The following IFNGR2 variants were observed in gnomAD, a reference collection of about 807,000 sequenced individuals.
IFNGR2 encodes interferon gamma receptor 2, also known as IFN-gamma receptor 2.
A neutral mutation model predicts 41.1 loss-of-function variants in IFNGR2; 15 were observed. The ratio of observed to expected loss-of-function variants is 0.37; its 90% CI spans 0.24 to 0.56. The LOEUF (loss-of-function observed/expected upper bound fraction) is 0.56. Ranked by LOEUF, IFNGR2 falls within the 20% of genes least tolerant of loss-of-function variation. The pLI is 0.81. For synonymous variants in IFNGR2, 161 were observed against 171.6 expected, an observed-to-expected ratio of 0.94 and a Z score of 0.48; for missense variants, 362 against 415.7, an observed-to-expected ratio of 0.87 and a Z score of 1.12.
chr21:33,410,931 T>G, intron 1 of IFNGR2: 1 of 1,314,034 alleles, frequency 7.6e-7, no homozygotes. Context: ...GTATGAAACC[T>G]GCATCTCACA....
At chr21:33,414,774 T>C in intron 1 of IFNGR2, 114 bp from the exon 2 acceptor site, 1 of 1,302,210 alleles carries the variant, frequency 7.7e-7, no homozygotes, top group Non-Finnish European at 1.1e-6. Context: ...TTCTGCACTT[T>C]GACAAAAACT....
intron 1 of IFNGR2, among the ~76,000 whole-genome samples, chr21:33,405,104 A>G (rs1047238035): frequency 1.7e-3 from 34 of 19,664 alleles, no homozygotes; most frequent in Middle Eastern, 0.015. Context: ...TCTGTCTCAG[A>G]AAAAAAAAAA....
In IFNGR2 at chr21:33,437,033, T is replaced by G. The variant is rs1054996913; in HGVS notation, c.*71T>G. On this transcript the variant is annotated 3_prime_UTR_variant, in exon 7 of 7. Transcript: ENST00000290219. Reference sequence around the variant, plus strand: ...CCATCGGAGCTGCTAGAGTTCTGTCTGGACTTTCCAGAGACCAGTATTCCC... The same window carrying G: ...CCATCGGAGCTGCTAGAGTTCTGTCGGGACTTTCCAGAGACCAGTATTCCC... 12 of 1,548,562 alleles carry G rather than the reference T, an allele frequency of 7.7e-6. No individual in the cohort carries two copies. Among genetic ancestry groups the G allele is most frequent in the African/African-American group, 5.4e-5 (4 of 73,506 alleles).
At chr21:33,436,800 T>C (rs2083958313) in intron 6 of IFNGR2, 28 bp from the exon 7 acceptor site, 1 of 1,608,418 alleles carries the variant, frequency 6.2e-7, no homozygotes. Context: ...GTAAACTAAT[T>C]ACAATTTTGC....
At chr21:33,429,503 C>T (rs2083867418) in intron 4 of IFNGR2, among the ~76,000 whole-genome samples, 1 of 152,134 alleles carries the variant, frequency 6.6e-6, no homozygotes, top group Admixed American at 6.5e-5. Context: ...AAAGCAAAAT[C>T]GGCAAAGGGA....
At position 33,429,613 on chromosome 21, in the gene IFNGR2, A is replaced by G. The variant is rs1164074722; in HGVS notation, c.562-2564A>G. 2.0e-5 allele frequency among the ~76,000 whole-genome samples: 3 copies of G among 152,180 alleles called. No homozygotes were observed. In the East Asian group the frequency reaches 5.8e-4, roughly 29 times the overall value. On this transcript the variant is annotated intron_variant, in intron 4 of 6. Transcript: ENST00000290219. ...GGATACACTTCATTGCTCCACCAGC[A>G]AGCTGTGACTGCACATGTGAACTGT...
chr21:33,421,892 A>AG (rs1371559058), intron 3 of IFNGR2, among the ~76,000 whole-genome samples: 2 of 152,230 alleles, frequency 1.3e-5, no homozygotes, highest in Non-Finnish European at 2.9e-5. Flanking sequence ...TACAGCCTGC[A>AG]GGCCAAATCG....
chr21:33,404,764 A>G (rs2083665476), intron 1 of IFNGR2, among the ~76,000 whole-genome samples: 1 of 152,142 alleles, frequency 6.6e-6, no homozygotes, highest in Non-Finnish European at 1.5e-5. Flanking sequence ...GTCCCTACCC[A>G]GAGAGCTTCT....
At chr21:33,404,421 A>G (rs1244055081) in intron 1 of IFNGR2, among the ~76,000 whole-genome samples, 3 of 152,138 alleles carry the variant, frequency 2.0e-5, no homozygotes. Context: ...AAGAGTGTCA[A>G]CTGAGCCAGG....
intron 6 of IFNGR2, among the ~76,000 whole-genome samples, chr21:33,435,364 C>T (rs1273024913): frequency 6.6e-6 from 1 of 152,132 alleles, no homozygotes; most frequent in Non-Finnish European, 1.5e-5. Context: ...CCCTCCTTCA[C>T]TGAAAGGTTA....
At chr21:33,425,902 G>A (rs891421311) in intron 3 of IFNGR2, among the ~76,000 whole-genome samples, 5 of 152,252 alleles carry the variant, frequency 3.3e-5, no homozygotes, top group African/African-American at 1.2e-4. Flanking sequence ...GTCTCCTTGT[G>A]TAAAATGTGC....
chr21:33,411,152 G>A (rs532437781), intron 1 of IFNGR2, among the ~76,000 whole-genome samples: 1 of 152,356 alleles, frequency 6.6e-6, no homozygotes, highest in East Asian at 1.9e-4. Flanking sequence ...GATAGGGGAT[G>A]ATAGGAAACC....
chr21:33,414,625 C>T (rs917907910), intron 1 of IFNGR2, among the ~76,000 whole-genome samples: 4 of 152,166 alleles, frequency 2.6e-5, no homozygotes, highest in East Asian at 1.9e-4. Flanking sequence ...AGGACCTGTT[C>T]GTAACAACTG....
Position 33,403,441 on chromosome 21 carries a change from GCCCTGCGCT to G in IFNGR2, c.-101_-93del. ...GCTCGGGAAGAGGCGGGCCCTGCGC[GCCCTGCGCT>G]CGCCATGGCGGTTTGGGCGGCGACG... On this transcript the variant is annotated 5_prime_UTR_variant, in exon 1 of 7. Transcript: ENST00000290219. 1.6e-6 allele frequency: 1 copy of G among 643,046 alleles called. No individual in the cohort carries two copies. Among genetic ancestry groups the G allele is most frequent in the Non-Finnish European group, 2.0e-6 (1 of 498,150 alleles). The allele number at this position is 643,046 out of a possible 1,614,324, so 39.8% of individuals were successfully genotyped here.
At chr21:33,428,809 C>T (rs2083861862) in intron 4 of IFNGR2, among the ~76,000 whole-genome samples, 1 of 152,152 alleles carries the variant, frequency 6.6e-6, no homozygotes, top group African/African-American at 2.4e-5. Flanking sequence ...TCGAGGGCAC[C>T]GTGTTGCCAT....
chr21:33,428,946 A>G (rs192705291), intron 4 of IFNGR2, among the ~76,000 whole-genome samples: 3 of 152,322 alleles, frequency 2.0e-5, no homozygotes, highest in East Asian at 3.9e-4. Flanking sequence ...AGGGCTGCCC[A>G]GCACTGGAGA....
chr21:33,432,086 T>C (rs2083893647), intron 4 of IFNGR2, 91 bp from the exon 5 acceptor site: 3 of 1,162,044 alleles, frequency 2.6e-6, no homozygotes, highest in Non-Finnish European at 2.6e-6. Context: ...TTGGTTGTCG[T>C]GTTCACAGTG....
chr21:33,421,609 T>G lies in IFNGR2; in HGVS notation c.336T>G (p.Thr112=). ...SAGFPMDFNV[T]LRLRAELGAL... is the part of the protein sequence containing the mutation. Reference sequence around the variant, plus strand: ...GCTTCCCAATGGATTTCAATGTCACTCTACGCCTTCGAGCTGAGCTGGGAG... The same window carrying G: ...GCTTCCCAATGGATTTCAATGTCACGCTACGCCTTCGAGCTGAGCTGGGAG... The change falls in exon 3 of 7, where the codon ACT becomes ACG. Residue 112 remains threonine (T), a synonymous_variant. Transcript: ENST00000290219. 1.9e-6 allele frequency: 3 copies of G among 1,614,172 alleles called. No homozygotes were observed. Among genetic ancestry groups the G allele is most frequent in the Non-Finnish European group, 2.5e-6 (3 of 1,180,016 alleles).
chr21:33,414,266 A>C (rs963659458), intron 1 of IFNGR2, among the ~76,000 whole-genome samples: 1 of 152,136 alleles, frequency 6.6e-6, no homozygotes, highest in Non-Finnish European at 1.5e-5. Context: ...TCCTTGAGAG[A>C]CGACAACTCT....
Sources: gnomAD v4.1 joint callset for allele counts (sites outside exome capture counted in the v4.1 genomes callset) on GRCh38, gnomAD v4.1.1 for gene constraint, MANE v1.5 for transcripts, NCBI Gene and HGNC (gene_info 2026-07-23, HGNC 2026-07-21) for gene names.